ENKUR: variants seen among roughly 807,000 people sequenced by gnomAD.
ENKUR encodes enkurin, TRPC channel interacting protein.
In ENKUR, 19 loss-of-function variants were observed where a neutral mutation model predicts 27.6. That is an observed-to-expected ratio of 0.69 (90% CI 0.48 to 1.01). The LOEUF (loss-of-function observed/expected upper bound fraction) is 1.01, where lower values mean the gene tolerates loss of function less well. Ranked by LOEUF, ENKUR falls within the 50% of genes least tolerant of loss-of-function variation. The probability of loss-of-function intolerance (pLI) is 0.00; values close to 1 mark genes in which losing one functional copy is unlikely to be tolerated. For missense variants in ENKUR, 312 were observed against 310.5 expected, an observed-to-expected ratio of 1.00 and a Z score of -0.04; for synonymous variants, 117 against 96.9, an observed-to-expected ratio of 1.21 and a Z score of -1.22.
intron 1 of ENKUR, among the ~76,000 whole-genome samples, chr10:25,004,225 C>T (rs2132705527): frequency 6.6e-6 from 1 of 152,252 alleles, no homozygotes; most frequent in South Asian, 2.1e-4. Flanking sequence ...GTGAATAGTG[C>T]TGCAATGAAC....
chr10:25,035,072 T>C (rs574543287), intron 2 of ENKUR, among the ~76,000 whole-genome samples: 7 of 152,144 alleles, frequency 4.6e-5, no homozygotes, highest in Non-Finnish European at 7.3e-5. Flanking sequence ...AAAAAAAATA[T>C]AGGAGCTTTA....
At chr10:25,023,169 T>C (rs1307040937) in intron 2 of ENKUR, 1 of 1,526,608 alleles carries the variant, frequency 6.6e-7, no homozygotes, top group Non-Finnish European at 8.8e-7. Flanking sequence ...TTTTGTGTTT[T>C]GAAAAGGGCT....
At chr10:25,024,709 A>C (rs1355167929) in intron 2 of ENKUR, 12 of 1,614,036 alleles carry the variant, frequency 7.4e-6, no homozygotes, top group African/African-American at 1.3e-5. Context: ...TCAAGGATTT[A>C]TTTCTTTTGG....
chr10:25,026,825 T>C (rs111922485), intron 2 of ENKUR, among the ~76,000 whole-genome samples: 11 of 152,316 alleles, frequency 7.2e-5, no homozygotes, highest in African/African-American at 2.6e-4. Context: ...GAGAAATTTG[T>C]TTTAATTTTT....
At chr10:25,056,758 C>T (rs998289995) in intron 2 of ENKUR, among the ~76,000 whole-genome samples, 1 of 152,134 alleles carries the variant, frequency 6.6e-6, no homozygotes, top group Admixed American at 6.6e-5. Flanking sequence ...AGACTAGTGG[C>T]CTGTGTCATA....
At chr10:24,988,382 A>G (rs902279702) in intron 4 of ENKUR, among the ~76,000 whole-genome samples, 3 of 144,912 alleles carry the variant, frequency 2.1e-5, no homozygotes, top group Non-Finnish European at 3.0e-5. Context: ...ATATGTATAT[A>G]TGTGTATATA....
At chr10:24,993,768 TC>T (rs779704022) in intron 3 of ENKUR, among the ~76,000 whole-genome samples, 283 of 152,350 alleles carry the variant, frequency 1.9e-3, no homozygotes, top group Non-Finnish European at 2.7e-3. Context: ...TTTTTCTGTT[TC>T]CATGATGGAT....
At chr10:25,004,844 G>A (rs944109393) in intron 1 of ENKUR, among the ~76,000 whole-genome samples, 1 of 152,158 alleles carries the variant, frequency 6.6e-6, no homozygotes, top group Non-Finnish European at 1.5e-5. Flanking sequence ...CCGTGCCTAT[G>A]TCCTGAATGG....
upstream of ENKUR, among the ~76,000 whole-genome samples, chr10:25,018,898 TA>T: frequency 6.6e-6 from 1 of 152,174 alleles, no homozygotes; most frequent in East Asian, 1.9e-4. Flanking sequence ...TCAGCTTTGA[TA>T]GTAATATAAA....
chr10:25,032,236 T>C (rs1169019107), intron 2 of ENKUR, among the ~76,000 whole-genome samples: 1 of 151,278 alleles, frequency 6.6e-6, no homozygotes, highest in Non-Finnish European at 1.5e-5. Context: ...CCGTCAATTC[T>C]ATCTGTAGGA....
At chr10:25,050,859 T>A (rs1464478416) in intron 2 of ENKUR, among the ~76,000 whole-genome samples, 1 of 152,190 alleles carries the variant, frequency 6.6e-6, no homozygotes, top group East Asian at 1.9e-4. Context: ...TGTACCCTAC[T>A]TAAGTTTCAA....
chr10:25,010,598 C>T (rs1298217330), intron 1 of ENKUR, among the ~76,000 whole-genome samples: 3 of 151,238 alleles, frequency 2.0e-5, no homozygotes, highest in African/African-American at 7.3e-5. Context: ...TCCCCCCTAC[C>T]CCCACCCCAC....
At chr10:24,987,405 G>C (rs979869253) in intron 4 of ENKUR, among the ~76,000 whole-genome samples, 2 of 152,120 alleles carry the variant, frequency 1.3e-5, no homozygotes, top group African/African-American at 4.8e-5. Context: ...GAGAGGCTGA[G>C]GGAGGAGGAT....
At chr10:25,010,904 T>C (rs1458173201) in intron 1 of ENKUR, among the ~76,000 whole-genome samples, 2 of 151,804 alleles carry the variant, frequency 1.3e-5, no homozygotes, top group Non-Finnish European at 2.9e-5. Flanking sequence ...ACAATAAACA[T>C]ACGTGTGCAT....
At chr10:25,055,600 G>T (rs1195022301) in intron 2 of ENKUR, among the ~76,000 whole-genome samples, 4 of 149,550 alleles carry the variant, frequency 2.7e-5, no homozygotes, top group Non-Finnish European at 5.9e-5. Flanking sequence ...TCTAAATTTG[G>T]TCTACGTTGG....
At chr10:25,034,272 G>T (rs745917066) in intron 2 of ENKUR, among the ~76,000 whole-genome samples, 5 of 151,950 alleles carry the variant, frequency 3.3e-5, no homozygotes, top group Non-Finnish European at 7.4e-5. Flanking sequence ...GCACTATGTG[G>T]CAAACACATG....
intron 2 of ENKUR, among the ~76,000 whole-genome samples, chr10:24,997,817 A>T (rs991792630): frequency 2.0e-5 from 3 of 151,342 alleles, no homozygotes; most frequent in African/African-American, 4.9e-5. Context: ...TTATATATAT[A>T]TATATATATG....
intron 2 of ENKUR, among the ~76,000 whole-genome samples, chr10:25,042,387 C>G (rs780867061): frequency 6.6e-6 from 1 of 151,776 alleles, no homozygotes; most frequent in East Asian, 1.9e-4. Context: ...CTCCGCCTCC[C>G]GGGTTCAAGC....
chr10:25,013,005 C>T (rs1395211569), intron 1 of ENKUR, among the ~76,000 whole-genome samples: 1 of 152,122 alleles, frequency 6.6e-6, no homozygotes, highest in Non-Finnish European at 1.5e-5. Context: ...TGGGTCTTTC[C>T]TGTGCTGCTC....
Sources: allele counts gnomAD v4.1 joint callset (sites outside exome capture counted in the v4.1 genomes callset), GRCh38; gene constraint gnomAD v4.1.1; transcripts MANE v1.5; gene names NCBI Gene and HGNC (gene_info 2026-07-23, HGNC 2026-07-21).